The following RBBP4 variants were observed in gnomAD, a reference collection of about 807,000 sequenced individuals.
The protein encoded by RBBP4 is histone-binding protein RBBP4.
A neutral mutation model predicts 57.2 loss-of-function variants in RBBP4; 3 were observed. The observed-to-expected ratio is 0.05, with a 90% CI of 0.02 to 0.14. The LOEUF (loss-of-function observed/expected upper bound fraction) is 0.14, where lower values mean the gene tolerates loss of function less well. RBBP4 is among the 10% of genes least tolerant of loss of function. RBBP4 has a pLI of 1.00. For missense variants in RBBP4, 107 were observed against 520.6 expected (o/e 0.21, Z 7.73); for synonymous variants, 151 against 171.5 (o/e 0.88, Z 0.93).
rs1282197733 is a variant in RBBP4 at position 32,681,921 on chromosome 1, T to C, written c.*2216T>C. Reference sequence around the variant, plus strand: ...CTTCTGAGGTTTAGTTACTGCAGGCTTTGTTGAGAAGAGATTGTTACAGTG... The same window carrying C: ...CTTCTGAGGTTTAGTTACTGCAGGCCTTGTTGAGAAGAGATTGTTACAGTG... On this transcript the variant is annotated 3_prime_UTR_variant, in exon 12 of 12. Transcript: ENST00000373493. 1.8e-5 allele frequency: 27 copies of C among 1,460,280 alleles called. No homozygotes were observed. The highest frequency in any genetic ancestry group is 2.6e-5 in the Non-Finnish European group (27 of 1,040,928). The allele number at this position is 1,460,280 out of a possible 1,614,324, so 90.5% of individuals were successfully genotyped here. A position where few individuals can be genotyped will look rare whatever the true frequency, so the allele number is the denominator to read the frequency against.
At chr1:32,673,540 C>T (rs1648965540) in intron 11 of RBBP4, 3 of 400,946 alleles carry the variant, frequency 7.5e-6, no homozygotes, top group South Asian at 3.6e-5. Context: ...CAGGTTCGAT[C>T]GATTCTCCTG....
intron 2 of RBBP4, among the ~76,000 whole-genome samples, chr1:32,654,120 C>T (rs1370149074): frequency 6.6e-6 from 1 of 152,056 alleles, no homozygotes; most frequent in Non-Finnish European, 1.5e-5. Context: ...CACGTGTAAT[C>T]CCAGCACTTT....
chr1:32,682,014 G>C lies in RBBP4; in HGVS notation c.*2309G>C. Reference sequence around the variant, plus strand: ...TTGGATGCCTCCTGTTTGTCAAATAGAATGAATGGTGATGGTGATGGGAGG... The same window carrying C: ...TTGGATGCCTCCTGTTTGTCAAATACAATGAATGGTGATGGTGATGGGAGG... On this transcript the variant is annotated 3_prime_UTR_variant, in exon 12 of 12. Coordinates refer to ENST00000373493, the MANE Select transcript of RBBP4 (RefSeq NM_005610.3). 4.6e-6 allele frequency: 3 copies of C among 655,878 alleles called. No individual in the cohort carries two copies. Among genetic ancestry groups the C allele is most frequent in the Non-Finnish European group, 8.1e-6 (3 of 370,284 alleles). 40.6% of individuals were successfully genotyped at this position (655,878 alleles called of 1,614,324 possible). A position where few individuals can be genotyped will look rare whatever the true frequency, so the allele number is the denominator to read the frequency against.
intron 2 of RBBP4, among the ~76,000 whole-genome samples, chr1:32,653,556 T>C (rs934871925): frequency 1.4e-5 from 2 of 142,252 alleles, no homozygotes; most frequent in African/African-American, 2.6e-5. Context: ...GGGAAATGTG[T>C]CCTAGGGATG....
chr1:32,664,852 A>G (rs1158926249), intron 3 of RBBP4, among the ~76,000 whole-genome samples: 3 of 152,228 alleles, frequency 2.0e-5, no homozygotes, highest in Admixed American at 6.5e-5. Flanking sequence ...TAAAGCAAAT[A>G]TATAAAGCAA....
chr1:32,667,853 T>TA (rs1251994800), intron 3 of RBBP4, among the ~76,000 whole-genome samples: 1 of 152,196 alleles, frequency 6.6e-6, no homozygotes, highest in South Asian at 2.1e-4. Context: ...CTAGATTACC[T>TA]ATAATACCTA....
At chr1:32,671,433 A>C (rs1648869753) in intron 8 of RBBP4, among the ~76,000 whole-genome samples, 1 of 152,140 alleles carries the variant, frequency 6.6e-6, no homozygotes, top group Non-Finnish European at 1.5e-5. Context: ...AAATACAAAA[A>C]TTAGCCAGGC....
chr1:32,672,130 C>T (rs1455568491), intron 8 of RBBP4, among the ~76,000 whole-genome samples: 5 of 151,928 alleles, frequency 3.3e-5, no homozygotes, highest in Admixed American at 6.6e-5. Context: ...GCTGGGATTA[C>T]AGGCGCCTGC....
Position 32,684,550 on chromosome 1 carries a change from G to A in RBBP4, c.*4845G>A. On this transcript the variant is annotated 3_prime_UTR_variant, in exon 12 of 12. Coordinates refer to ENST00000373493, the MANE Select transcript of RBBP4 (RefSeq NM_005610.3). Reference sequence around the variant, plus strand: ...AACAGGTTCAAAGAAGTTGTGTCTTGGAAAAAAAGTGACAATGCTTTTGAA... The same window carrying A: ...AACAGGTTCAAAGAAGTTGTGTCTTAGAAAAAAAGTGACAATGCTTTTGAA... 1 of 982,230 alleles carries A rather than the reference G, an allele frequency of 1.0e-6. No homozygotes were observed. 60.8% of individuals were successfully genotyped at this position (982,230 alleles called of 1,614,324 possible). A position where few individuals can be genotyped will look rare whatever the true frequency, so the allele number is the denominator to read the frequency against.
At chr1:32,675,845 C>T (rs1649081277) in intron 11 of RBBP4, among the ~76,000 whole-genome samples, 4 of 152,130 alleles carry the variant, frequency 2.6e-5, no homozygotes, top group Non-Finnish European at 5.9e-5. Context: ...AATCCAAATA[C>T]TTTGGGAGGC....
At position 32,658,543 on chromosome 1, in the gene RBBP4, C is replaced by T. The variant is rs529611967; in HGVS notation, c.310+971C>T. 4.8e-5 allele frequency among the ~76,000 whole-genome samples: 5 copies of T among 103,858 alleles called. No individual in the cohort carries two copies. In the South Asian group the frequency reaches 1.6e-3, roughly 33 times the overall value. 68.1% of individuals were successfully genotyped at this position (103,858 alleles called of 152,430 possible). A position where few individuals can be genotyped will look rare whatever the true frequency, so the allele number is the denominator to read the frequency against. The stretch of plus-strand genomic sequence containing the variant: ...TTTAACTGCTCATGAAATGCTTAAA[C>T]GCTTTCCTTTTTTTTTTTTTGGAGA... On this transcript the variant is annotated intron_variant, in intron 3 of 11. Transcript: ENST00000373493.
chr1:32,651,740 G>A, intron 1 of RBBP4, 174 bp from the exon 2 acceptor site: 1 of 852,564 alleles, frequency 1.2e-6, no homozygotes, highest in Non-Finnish European at 1.8e-6. Context: ...GGCGGGGATG[G>A]CCCGAGGAGT....
intron 8 of RBBP4, among the ~76,000 whole-genome samples, chr1:32,670,262 T>G (rs950221594): frequency 3.9e-5 from 6 of 152,212 alleles, no homozygotes; most frequent in Admixed American, 1.3e-4. Flanking sequence ...TAGTGATCTC[T>G]TCCCTTCTTC....
chr1:32,652,200 A>G, intron 2 of RBBP4, 139 bp downstream of exon 2: 1 of 1,001,060 alleles, frequency 1.0e-6, no homozygotes, highest in Non-Finnish European at 1.5e-6. Context: ...CTAGGCCACA[A>G]AGTAAGGCAA....
chr1:32,652,245 A>C (rs933166797), intron 2 of RBBP4, 184 bp downstream of exon 2: 1 of 675,522 alleles, frequency 1.5e-6, no homozygotes, highest in African/African-American at 1.8e-5. Flanking sequence ...ACCTGACAAG[A>C]GAAAACATAT....
At position 32,669,580 on chromosome 1, in the gene RBBP4, C is replaced by G; in HGVS notation, c.966+17C>G. The G allele has an allele frequency of 1.9e-6, 3 of 1,585,798 alleles. No individual in the cohort carries two copies. Among genetic ancestry groups the G allele is most frequent in the Admixed American group, 2.0e-5 (1 of 51,010 alleles). ...ATATTCCAGGTAAGAGAAACTAATG[C>G]TACTATTTTGTTTGTTTTAAGAAAA... On this transcript the variant is annotated intron_variant, in intron 8 of 11. Transcript: ENST00000373493. The surrounding 1 kb of genome is among the most constrained non-coding windows in gnomAD (Gnocchi z 4.9).
At position 32,668,137 on chromosome 1, in the gene RBBP4, A is replaced by G. The variant is rs543441883; in HGVS notation, c.311-88A>G. 174 of 1,291,560 alleles carry G rather than the reference A, an allele frequency of 1.3e-4. 1 individual carries two copies. The African/African-American group carries it at 2.3e-3, about 17-fold the overall frequency. 80.0% of individuals were successfully genotyped at this position (1,291,560 alleles called of 1,614,324 possible). A position where few individuals can be genotyped will look rare whatever the true frequency, so the allele number is the denominator to read the frequency against. ...TATTATGCCAGTTTGTTGCTAAGGA[A>G]AAAAAATCCTTTCCTGTGTTCTTAT... On this transcript the variant is annotated intron_variant, in intron 3 of 11. Transcript: ENST00000373493.
chr1:32,656,929 C>G (rs1368826252), intron 2 of RBBP4, among the ~76,000 whole-genome samples: 1 of 152,104 alleles, frequency 6.6e-6, no homozygotes, highest in East Asian at 1.9e-4. Flanking sequence ...GTAGTTAATT[C>G]ACATTTTATT....
intron 10 of RBBP4, 33 bp from the exon 11 acceptor site, chr1:32,672,758 C>T (rs1420977841): frequency 6.5e-6 from 10 of 1,542,812 alleles, no homozygotes; most frequent in Middle Eastern, 1.7e-4. Context: ...CCTCTATCTG[C>T]ATTTCACCTC....
Sources: allele counts gnomAD v4.1 joint callset (sites outside exome capture counted in the v4.1 genomes callset), GRCh38; gene constraint gnomAD v4.1.1; non-coding constraint Gnocchi (gnomAD v3.1); transcripts MANE v1.5; gene names NCBI Gene and HGNC (gene_info 2026-07-23, HGNC 2026-07-21).